BEND5: variants seen among roughly 807,000 people sequenced by gnomAD.
The protein encoded by BEND5 is BEN domain containing 5, also known as BEN domain-containing protein 5.
A neutral mutation model predicts 43.9 loss-of-function variants in BEND5; 22 were observed. That is an observed-to-expected ratio of 0.50 (90% confidence interval 0.36 to 0.72). BEND5 has a LOEUF of 0.72. Among genes scored for constraint, BEND5 ranks in the 30% least tolerant of loss-of-function variants. BEND5 has a pLI of 0.00. For synonymous variants in BEND5, 228 were observed against 225.9 expected, an observed-to-expected ratio of 1.01 and a Z score of -0.08; for missense variants, 428 against 550.6, an observed-to-expected ratio of 0.78 and a Z score of 2.23.
At chr1:48,730,329 C>A (rs1341629952) in intron 5 of BEND5, among the ~76,000 whole-genome samples, 1 of 152,160 alleles carries the variant, frequency 6.6e-6, no homozygotes, top group Non-Finnish European at 1.5e-5. Context: ...TTGAGATATT[C>A]GTATCTGATT....
At chr1:48,735,160 C>T (rs1416778237) in intron 5 of BEND5, among the ~76,000 whole-genome samples, 1 of 152,230 alleles carries the variant, frequency 6.6e-6, no homozygotes, top group Non-Finnish European at 1.5e-5. Flanking sequence ...ACCCCTAAAT[C>T]CTGAAACACA....
At chr1:48,751,087 C>T (rs1651664551) in intron 3 of BEND5, among the ~76,000 whole-genome samples, 1 of 152,152 alleles carries the variant, frequency 6.6e-6, no homozygotes, top group Non-Finnish European at 1.5e-5. Flanking sequence ...TGTCTTTTCC[C>T]CTCTCTGGGC....
intron 3 of BEND5, among the ~76,000 whole-genome samples, chr1:48,754,262 A>G (rs1013946244): frequency 2.0e-5 from 3 of 152,148 alleles, no homozygotes; most frequent in South Asian, 2.1e-4. Flanking sequence ...CCCTCCCCCA[A>G]CTGGGTCTCT....
rs1644102052 is a variant in BEND5 at position 48,758,955 on chromosome 1, C to T, written c.690G>A (p.Glu230=). ...EYGALVSEMK[E]LRDLNRRLQD... ...GGAGCCTCCGGTTAAGGTCACGGAGCTCCTTCATTTCAGACACAAGTGCCC... is the reference window on the plus strand; with the variant it reads ...GGAGCCTCCGGTTAAGGTCACGGAGTTCCTTCATTTCAGACACAAGTGCCC... Residue 230 remains glutamate (E), a synonymous_variant, in exon 3 of 6, where the codon GAG becomes GAA. Coordinates refer to ENST00000371833, the MANE Select transcript of BEND5 (RefSeq NM_024603.4). The T allele has an allele frequency of 1.3e-6, 2 of 1,599,494 alleles. No homozygotes were observed. Among genetic ancestry groups the T allele is most frequent in the South Asian group, 2.2e-5 (2 of 88,894 alleles).
intron 3 of BEND5, among the ~76,000 whole-genome samples, chr1:48,753,712 G>A (rs1484412): frequency 0.41 from 63,051 of 152,100 alleles, 14,640 homozygotes; most frequent in Non-Finnish European, 0.53. Flanking sequence ...TCTCTAAAAC[G>A]GAGATAATAA....
rs1388977229 is a variant in BEND5, at chr1:48,758,911, C to T, written c.734G>A (p.Arg245Gln). 1 of 1,526,260 alleles carries T rather than the reference C, an allele frequency of 6.6e-7. No homozygotes were observed. Among genetic ancestry groups the T allele is most frequent in the Non-Finnish European group, 8.8e-7 (1 of 1,140,034 alleles). The allele number at this position is 1,526,260 out of a possible 1,614,324, so 94.5% of individuals were successfully genotyped here. A position where few individuals can be genotyped will look rare whatever the true frequency, so the allele number is the denominator to read the frequency against. Residue 245 changes from arginine to glutamine, a missense_variant, in exon 3 of 6, where the codon CGG (arginine) becomes CAG (glutamine). Coordinates refer to ENST00000371833, the MANE Select transcript of BEND5 (RefSeq NM_024603.4). ...NRRLQDVLLL[R>Q]LGSGPAIDLE... ...GCTGGGGCACTCACCGCTGCCAAGC[C>T]GCAGGAGCAGCACGTCCTGGAGCCT...
intron 3 of BEND5, among the ~76,000 whole-genome samples, chr1:48,748,298 G>C (rs1471235712): frequency 1.3e-5 from 2 of 152,168 alleles, no homozygotes; most frequent in African/African-American, 4.8e-5. Context: ...GCGTGCCTCT[G>C]TTTCTTAGCC....
chr1:48,768,836 A>T (rs954191069), intron 1 of BEND5, among the ~76,000 whole-genome samples: 2 of 152,256 alleles, frequency 1.3e-5, no homozygotes, highest in Non-Finnish European at 2.9e-5. Flanking sequence ...TTATGTTTGC[A>T]TTAAAAACAG....
chr1:48,766,101 A>G (rs1210020085), intron 1 of BEND5, among the ~76,000 whole-genome samples: 1 of 152,240 alleles, frequency 6.6e-6, no homozygotes, highest in African/African-American at 2.4e-5. Context: ...ATACCTCAAT[A>G]AAAAATTAGG....
Position 48,776,624 on chromosome 1 carries a change from G to A in BEND5, c.208C>T (p.Gln70Ter). The change falls in exon 1 of 6, where the codon CAG becomes TAG. Residue 70 changes from glutamine to a stop codon, truncating the protein, a stop_gained. Coordinates refer to ENST00000371833, the MANE Select transcript of BEND5 (RefSeq NM_024603.4). LOFTEE classifies it high-confidence loss of function. ...DWGALLLHKA[Q>*]ILALAEDKSD... Reference sequence around the variant, plus strand: ...TGCTCACCTGCCAGCGCCAGGATCTGGGCCTTGTGGAGCAACAGCGCGCCC... The same window carrying A: ...TGCTCACCTGCCAGCGCCAGGATCTAGGCCTTGTGGAGCAACAGCGCGCCC... 6.8e-7 allele frequency: 1 copy of A among 1,471,562 alleles called. No homozygotes were observed. The highest frequency in any genetic ancestry group is 3.0e-5 in the East Asian group (1 of 33,718). 91.2% of individuals were successfully genotyped at this position (1,471,562 alleles called of 1,614,324 possible).
At chr1:48,749,492 G>A (rs1364512127) in intron 3 of BEND5, among the ~76,000 whole-genome samples, 1 of 152,158 alleles carries the variant, frequency 6.6e-6, no homozygotes, top group African/African-American at 2.4e-5. Context: ...TCACATAGGT[G>A]GTGAGTGCTC....
intron 1 of BEND5, among the ~76,000 whole-genome samples, chr1:48,765,138 A>G (rs1644469023): frequency 6.6e-6 from 1 of 152,222 alleles, no homozygotes; most frequent in Non-Finnish European, 1.5e-5. Flanking sequence ...CCTTCTTTGT[A>G]GTCTATTATC....
chr1:48,753,251 T>C (rs1251384195), intron 3 of BEND5, among the ~76,000 whole-genome samples: 1 of 152,234 alleles, frequency 6.6e-6, no homozygotes, highest in South Asian at 2.1e-4. Context: ...CCTGTCTGTA[T>C]GTAGTGGGCT....
At chr1:48,728,482 C>CT (rs11441549) in intron 5 of BEND5, among the ~76,000 whole-genome samples, 56,918 of 136,958 alleles carry the variant, frequency 0.42, 11,779 homozygotes, top group African/African-American at 0.5. Context: ...TTCTGACTTG[C>CT]TTTTTTTTTT....
Position 48,776,842 on chromosome 1 carries a change from G to A in BEND5, c.-11C>T, listed in dbSNP as rs1290904816. 2 of 1,492,434 alleles carry A rather than the reference G, an allele frequency of 1.3e-6. No homozygotes were observed. The highest frequency in any genetic ancestry group is 2.9e-5 in the East Asian group (1 of 34,654). 92.4% of individuals were successfully genotyped at this position (1,492,434 alleles called of 1,614,324 possible). On this transcript the variant is annotated 5_prime_UTR_variant, in exon 1 of 6. Transcript: ENST00000371833. ...CACAAAGGCGTACATGGTGGGCGCC[G>A]GGGGCGGGCCCCGGTCGGGCAGCTC...
intron 1 of BEND5, among the ~76,000 whole-genome samples, chr1:48,769,967 T>A (rs1424150526): frequency 1.3e-5 from 2 of 152,190 alleles, no homozygotes; most frequent in Non-Finnish European, 2.9e-5. Context: ...GATCTAGAAG[T>A]CATCTAACCA....
chr1:48,740,308 C>G (rs1226342119), intron 4 of BEND5, among the ~76,000 whole-genome samples: 1 of 152,162 alleles, frequency 6.6e-6, no homozygotes, highest in Admixed American at 6.5e-5. Flanking sequence ...GAGTACTGGC[C>G]TGGGAACCAG....
chr1:48,755,314 A>T (rs1429514171), intron 3 of BEND5, among the ~76,000 whole-genome samples: 2 of 152,186 alleles, frequency 1.3e-5, no homozygotes, highest in African/African-American at 4.8e-5. Flanking sequence ...TCGGTGAGTA[A>T]ATAATGATTC....
intron 2 of BEND5, 32 bp downstream of exon 2, chr1:48,761,305 C>T: frequency 6.5e-7 from 1 of 1,534,096 alleles, no homozygotes; most frequent in Non-Finnish European, 8.8e-7. Context: ...AATGCTCCAG[C>T]ATACCTCCAA....
Sources: allele counts gnomAD v4.1 joint callset (sites outside exome capture counted in the v4.1 genomes callset), GRCh38; gene constraint gnomAD v4.1.1; transcripts MANE v1.5; gene names NCBI Gene and HGNC (gene_info 2026-07-23, HGNC 2026-07-21).